Variants in ANO3 observed in about 807,000 individuals in gnomAD.
ANO3 encodes anoctamin-3.
In ANO3, 99 loss-of-function variants were observed where a neutral mutation model predicts 144.8. The ratio of observed to expected loss-of-function variants is 0.68; its 90% confidence interval spans 0.58 to 0.81. The LOEUF (loss-of-function observed/expected upper bound fraction) is 0.81, where lower values mean the gene tolerates loss of function less well. ANO3 is among the 30% of genes least tolerant of loss of function. The probability of loss-of-function intolerance (pLI) is 0.00; values close to 1 mark genes in which losing one functional copy is unlikely to be tolerated. For synonymous variants in ANO3, 414 were observed against 392.6 expected (o/e 1.05, Z -0.64); for missense variants, 905 against 1,202.2 (o/e 0.75, Z 3.66).
chr11:26,221,702 T>A (rs1725423467), intron 1 of ANO3, among the ~76,000 whole-genome samples: 1 of 141,780 alleles, frequency 7.1e-6, no homozygotes, highest in South Asian at 2.2e-4. Context: ...AAGATTTCAA[T>A]CATGTCAGAA....
intron 1 of ANO3, among the ~76,000 whole-genome samples, chr11:26,234,538 T>A (rs1338678742): frequency 6.6e-6 from 1 of 152,108 alleles, no homozygotes; most frequent in Non-Finnish European, 1.5e-5. Flanking sequence ...AAAACCAATT[T>A]AAATACACAG....
At chr11:26,462,960 G>A in intron 3 of ANO3, 70 bp from the exon 4 acceptor site, 1 of 709,620 alleles carries the variant, frequency 1.4e-6, no homozygotes, top group Admixed American at 3.0e-5. Flanking sequence ...AAAGAGGAGA[G>A]ATTAGTATGT....
chr11:26,569,432 T>C (rs1044388211), intron 14 of ANO3, among the ~76,000 whole-genome samples: 2 of 152,084 alleles, frequency 1.3e-5, no homozygotes, highest in Non-Finnish European at 2.9e-5. Flanking sequence ...CAAGTTTGCC[T>C]CTGCTGCCTG....
At chr11:26,580,370 T>G (rs1488648460) in intron 14 of ANO3, among the ~76,000 whole-genome samples, 3 of 152,214 alleles carry the variant, frequency 2.0e-5, no homozygotes, top group Non-Finnish European at 4.4e-5. Context: ...AATTCATCAC[T>G]GGCAGTATTA....
chr11:26,631,902 G>A (rs79660774), intron 18 of ANO3, among the ~76,000 whole-genome samples: 11,298 of 152,006 alleles, frequency 0.074, 627 homozygotes, highest in South Asian at 0.16. Context: ...TATTTAGACC[G>A]GGCATGGTGG....
At chr11:26,282,505 G>T (rs1033649126) in intron 1 of ANO3, among the ~76,000 whole-genome samples, 2 of 151,740 alleles carry the variant, frequency 1.3e-5, no homozygotes, top group African/African-American at 2.4e-5. Flanking sequence ...CTTCTTCTCG[G>T]CTTTGGAAAA....
upstream of ANO3, among the ~76,000 whole-genome samples, chr11:26,307,754 TAATAAC>T (rs1413805056): frequency 6.7e-6 from 1 of 148,276 alleles, no homozygotes; most frequent in Non-Finnish European, 1.5e-5. Context: ...ATAATAATAA[TAATAAC>T]AATTTAATGA....
At chr11:26,358,977 T>C (rs1855855828) in intron 1 of ANO3, among the ~76,000 whole-genome samples, 1 of 152,202 alleles carries the variant, frequency 6.6e-6, no homozygotes. Context: ...CATGAACATA[T>C]GGTGGAGTAC....
chr11:26,318,541 G>C (rs1042284304), intron 1 of ANO3, among the ~76,000 whole-genome samples: 2 of 152,180 alleles, frequency 1.3e-5, no homozygotes, highest in Admixed American at 6.5e-5. Context: ...AGGGAGACAC[G>C]ACTGACAGCA....
At chr11:26,531,063 A>G in intron 7 of ANO3, 142 bp from the exon 8 acceptor site, 2 of 794,512 alleles carry the variant, frequency 2.5e-6, no homozygotes, top group East Asian at 2.8e-5. Flanking sequence ...AACAGAAGCA[A>G]TGCACGTGTA....
At chr11:26,462,560 A>C (rs956661727) in intron 3 of ANO3, among the ~76,000 whole-genome samples, 1 of 151,792 alleles carries the variant, frequency 6.6e-6, no homozygotes, top group African/African-American at 2.4e-5. Flanking sequence ...AATGTTTATT[A>C]AGATATTTTC....
intron 1 of ANO3, among the ~76,000 whole-genome samples, chr11:26,198,948 A>G (rs1564913607): frequency 6.6e-6 from 1 of 152,214 alleles, no homozygotes; most frequent in Non-Finnish European, 1.5e-5. Flanking sequence ...TGTGGATGGC[A>G]GCAAGATCTA....
At chr11:26,431,958 T>C (rs1208486170) in intron 1 of ANO3, among the ~76,000 whole-genome samples, 1 of 152,236 alleles carries the variant, frequency 6.6e-6, no homozygotes, top group African/African-American at 2.4e-5. Flanking sequence ...AATTCTTTTT[T>C]TTAGCTCTTT....
rs961851348 is a variant in ANO3 at position 26,204,090 on chromosome 11, G to GT, written c.154+14767dup. ...AATGCCATCTTTTTCTTATGGAATGGTTTTTTTAGTGTTTTCTGGAGACTT... is the reference window on the plus strand; with the variant it reads ...AATGCCATCTTTTTCTTATGGAATGGTTTTTTTTAGTGTTTTCTGGAGACTT... On this transcript the variant is annotated intron_variant, in intron 1 of 27. Transcript: ENST00000672621. 5.3e-5 allele frequency among the ~76,000 whole-genome samples: 8 copies of GT among 152,140 alleles called. No homozygotes were observed. In the South Asian group the frequency reaches 6.2e-4, roughly 12 times the overall value.
intron 24 of ANO3, among the ~76,000 whole-genome samples, chr11:26,650,548 T>A (rs1205657346): frequency 2.6e-5 from 4 of 152,190 alleles, no homozygotes; most frequent in African/African-American, 4.8e-5. Flanking sequence ...ATAAAGTTTC[T>A]GGTAGTTTTG....
At chr11:26,516,018 A>T (rs1382899223) in intron 5 of ANO3, among the ~76,000 whole-genome samples, 2 of 151,840 alleles carry the variant, frequency 1.3e-5, no homozygotes, top group Non-Finnish European at 2.9e-5. Flanking sequence ...TCAGTTGTTT[A>T]TTTACTTATT....
At chr11:26,312,085 G>A (rs1373538119) in intron 1 of ANO3, among the ~76,000 whole-genome samples, 12 of 152,160 alleles carry the variant, frequency 7.9e-5, no homozygotes, top group African/African-American at 1.9e-4. Flanking sequence ...ATGAGTGAGA[G>A]CATGCAGTGT....
At chr11:26,529,611 C>T (rs1849314394) in intron 7 of ANO3, among the ~76,000 whole-genome samples, 1 of 148,240 alleles carries the variant, frequency 6.7e-6, no homozygotes, top group Non-Finnish European at 1.5e-5. Context: ...ATATTTAACA[C>T]TCCTCTAGGA....
intron 1 of ANO3, among the ~76,000 whole-genome samples, chr11:26,426,170 T>C (rs1857914496): frequency 6.6e-6 from 1 of 152,208 alleles, no homozygotes; most frequent in Admixed American, 6.6e-5. Flanking sequence ...ACAATACAGC[T>C]ATAACATAAC....
Sources: allele counts gnomAD v4.1 joint callset (sites outside exome capture counted in the v4.1 genomes callset), GRCh38; gene constraint gnomAD v4.1.1; transcripts MANE v1.5; gene names NCBI Gene and HGNC (gene_info 2026-07-23, HGNC 2026-07-21).